The following ADGRB2 variants were observed in gnomAD, a reference collection of about 807,000 sequenced individuals.
ADGRB2 encodes the protein adhesion G protein-coupled receptor B2.
Under a neutral mutation model 178.7 loss-of-function variants are expected in ADGRB2, and 47 were observed. The observed-to-expected ratio is 0.26, with a 90% CI of 0.21 to 0.34. The LOEUF (loss-of-function observed/expected upper bound fraction) is 0.34. Ranked by LOEUF, ADGRB2 falls within the 10% of genes least tolerant of loss-of-function variation. ADGRB2 has a pLI of 1.00. For missense variants in ADGRB2, 1,584 were observed against 2,180.8 expected (o/e 0.73, Z 5.45); for synonymous variants, 870 against 912.4 (o/e 0.95, Z 0.84).
Position 31,741,616 on chromosome 1 carries a change from C to A in ADGRB2, c.1687+8G>T. ...TGGTGGTGGTGGGGAAAGCCACCTG[C>A]CCCTTACCTGAGGCATTCGGGGGGC... On this transcript the variant is annotated splice_region_variant and intron_variant, in intron 10 of 32. Transcript: ENST00000373658. The surrounding 1 kb of genome is among the most constrained non-coding windows in gnomAD (Gnocchi z 6.5). The A allele has an allele frequency of 2.5e-6, 4 of 1,613,036 alleles. No individual in the cohort carries two copies. The highest frequency in any genetic ancestry group is 3.4e-6 in the Non-Finnish European group (4 of 1,179,536).
chr1:31,736,217 C>G, intron 22 of ADGRB2, 104 bp downstream of exon 22: 1 of 1,401,064 alleles, frequency 7.1e-7, no homozygotes. Context: ...GGAACTTGCC[C>G]AAAGACCCAA....
chr1:31,762,708 C>T (rs1279783822), intron 1 of ADGRB2, among the ~76,000 whole-genome samples: 4 of 151,654 alleles, frequency 2.6e-5, no homozygotes, highest in Non-Finnish European at 4.4e-5. Context: ...CACCAATCTC[C>T]TCTCCCCAGG....
chr1:31,757,243 T>C lies in ADGRB2; in HGVS notation c.-22A>G, dbSNP rs780016221. The C allele has an allele frequency of 6.2e-7, 1 of 1,614,152 alleles. No homozygotes were observed. Among genetic ancestry groups the C allele is most frequent in the South Asian group, 1.1e-5 (1 of 91,088 alleles). ...CCATAACTCTTGCTCTCCATCCCCGTGTGTCGTGATCAGCTGTGAGGCATG... is the reference window on the plus strand; with the variant it reads ...CCATAACTCTTGCTCTCCATCCCCGCGTGTCGTGATCAGCTGTGAGGCATG... On this transcript the variant is annotated 5_prime_UTR_variant, in exon 3 of 33. Transcript: ENST00000373658.
chr1:31,732,736 G>A, intron 26 of ADGRB2, 124 bp from the exon 27 acceptor site: 1 of 1,227,152 alleles, frequency 8.1e-7, no homozygotes, highest in East Asian at 2.5e-5. Context: ...CAACCTTGGG[G>A]AAGGTGATGA....
Position 31,742,172 on chromosome 1 carries a change from G to A in ADGRB2, c.1298C>T (p.Thr433Met), listed in dbSNP as rs144126548. 60 of 1,612,724 alleles carry A rather than the reference G, an allele frequency of 3.7e-5. No individual in the cohort carries two copies. Among genetic ancestry groups the A allele is most frequent in the Non-Finnish European group, 4.5e-5 (53 of 1,179,508 alleles). The change falls in exon 8 of 33, where the codon ACG becomes ATG. Residue 433 changes from threonine to methionine, a missense_variant. By Grantham distance (81) the Thr-to-Met change is moderately conservative (BLOSUM62 -1). Around this residue, in one of 3 missense-constraint regions of ADGRB2, gnomAD observed 657 missense variants for 847.6 expected, o/e 0.78. Coordinates refer to ENST00000373658, the MANE Select transcript of ADGRB2 (RefSeq NM_001364857.2). ...LEWGPWGPCS[T>M]SCANGTQQRS... ...CTGTTGGGTCCCATTGGCACAGGAC[G>A]TGGAGCATGGGCCCCAGGGACCCCA...
chr1:31,729,619 G>A (rs1282535940), intron 29 of ADGRB2, among the ~76,000 whole-genome samples: 2 of 152,178 alleles, frequency 1.3e-5, no homozygotes, highest in Non-Finnish European at 2.9e-5. Flanking sequence ...CACACCAATG[G>A]AATACACTTG....
chr1:31,731,666 G>A (rs983983381), intron 28 of ADGRB2, among the ~76,000 whole-genome samples: 3 of 152,268 alleles, frequency 2.0e-5, no homozygotes, highest in Non-Finnish European at 2.9e-5. Flanking sequence ...GTGTCCTGGT[G>A]CAGGTCCCGA....
chr1:31,738,864 G>C lies in ADGRB2; in HGVS notation c.2569C>G (p.Leu857Val). The C allele has an allele frequency of 6.2e-7, 1 of 1,614,056 alleles. No individual in the cohort carries two copies. The highest frequency in any genetic ancestry group is 8.5e-7 in the Non-Finnish European group (1 of 1,180,018). ...RPPTQPPAEP[L>V]ITVELSYIIN... ...ATGTAGGAGAGCTCCACAGTGATGA[G>C]GGGCTCAGCTGGAGGCTGGGTAGGG... The change falls in exon 16 of 33, where the codon CTC becomes GTC. Residue 857 changes from leucine to valine, a missense_variant. Physicochemically the swap from Leu to Val is conservative, Grantham distance 32. This residue lies in a region of ADGRB2 where 865 missense variants were observed against 1,192.8 expected (regional missense o/e 0.73). Transcript: ENST00000373658.
chr1:31,730,654 A>G, intron 29 of ADGRB2, 146 bp downstream of exon 29: 1 of 1,127,210 alleles, frequency 8.9e-7, no homozygotes, highest in Non-Finnish European at 1.2e-6. Flanking sequence ...AGCTGCCATG[A>G]GCAGAAACAG....
intron 4 of ADGRB2, among the ~76,000 whole-genome samples, chr1:31,747,043 C>T (rs1009104685): frequency 5.9e-5 from 9 of 152,216 alleles, no homozygotes; most frequent in African/African-American, 1.9e-4. Flanking sequence ...CATCTCTCTG[C>T]TGAACGTGCT....
chr1:31,744,233 C>T lies in ADGRB2; in HGVS notation c.1047G>A (p.Leu349=), dbSNP rs758273198. Residue 349 remains leucine (L), a synonymous_variant, in exon 6 of 33, where the codon CTG becomes CTA. Transcript: ENST00000373658. The surrounding 1 kb of genome is among the most constrained non-coding windows in gnomAD (Gnocchi z 6.7). ...SPYGTLCSGP[L]RETRPCNNSA... ...AATTGTTGCAGGGCCTGGTCTCCCG[C>T]AGGGGCCCGCTGCACAGGGTCCCAT... is the stretch of plus-strand genomic sequence containing the variant. 1.3e-5 allele frequency: 20 copies of T among 1,546,154 alleles called. No individual in the cohort carries two copies. Among genetic ancestry groups the T allele is most frequent in the Admixed American group, 4.0e-5 (2 of 49,776 alleles).
In ADGRB2 at chr1:31,732,976, C is replaced by G. The variant is rs148580797; in HGVS notation, c.3620G>C (p.Arg1207Pro). Reference protein sequence around the residue: ...VITAVHCFLRREVQDVVKCQM... With the variant: ...VITAVHCFLRPEVQDVVKCQM... ...GCGGGAGAGGCCCAGCCCCACCTCT[C>G]GGCGCAGGAAGCAGTGCACAGCAGT... Residue 1207 changes from arginine (R) to proline (P), a missense_variant, in exon 26 of 33, where the codon CGA becomes CCA. Coordinates refer to ENST00000373658, the MANE Select transcript of ADGRB2 (RefSeq NM_001364857.2). 2.6e-6 allele frequency: 4 copies of G among 1,553,446 alleles called. No homozygotes were observed. The South Asian group carries it at 4.8e-5, about 18-fold the overall frequency.
At chr1:31,752,034 T>C (rs1304810991) in intron 4 of ADGRB2, among the ~76,000 whole-genome samples, 1 of 152,164 alleles carries the variant, frequency 6.6e-6, no homozygotes, top group Non-Finnish European at 1.5e-5. Flanking sequence ...AAGGAACTTA[T>C]CAACAGTCAC....
intron 7 of ADGRB2, among the ~76,000 whole-genome samples, chr1:31,742,462 C>T (rs892681786): frequency 1.3e-5 from 2 of 152,222 alleles, no homozygotes; most frequent in African/African-American, 4.8e-5. Flanking sequence ...TAGCACAAGG[C>T]ACAACTCACT....
intron 6 of ADGRB2, among the ~76,000 whole-genome samples, chr1:31,743,931 C>T (rs563027264): frequency 6.6e-6 from 1 of 152,320 alleles, no homozygotes; most frequent in East Asian, 1.9e-4. Context: ...AAACACGAGC[C>T]TTGGTTACCA....
Position 31,739,911 on chromosome 1 carries a change from C to A in ADGRB2, c.2167+15G>T. On this transcript the variant is annotated intron_variant, in intron 14 of 32. Transcript: ENST00000373658. The stretch of plus-strand genomic sequence containing the variant: ...GGCACATTCAGGACCCCCACCCTTG[C>A]CTGACTCCTTCTACCTAGATTATCT... 4 of 1,610,396 alleles carry A rather than the reference C, an allele frequency of 2.5e-6. No homozygotes were observed. The highest frequency in any genetic ancestry group is 3.4e-6 in the Non-Finnish European group (4 of 1,176,732).
Position 31,738,883 on chromosome 1 carries a change from G to A in ADGRB2, c.2550C>T (p.Thr850=). The A allele has an allele frequency of 6.2e-7, 1 of 1,613,930 alleles. No homozygotes were observed. The highest frequency in any genetic ancestry group is 8.5e-7 in the Non-Finnish European group (1 of 1,180,010). ...TGATGAGGGGCTCAGCTGGAGGCTG[G>A]GTAGGGGGGCGCACAGTCACTGTCA... ...RVMTVTVRPP[T]QPPAEPLITV... Residue 850 remains threonine (T), a synonymous_variant, in exon 16 of 33, where the codon ACC becomes ACT. Coordinates refer to ENST00000373658, the MANE Select transcript of ADGRB2 (RefSeq NM_001364857.2).
Position 31,742,099 on chromosome 1 carries a change from C to T in ADGRB2, c.1371G>A (p.Thr457=). Residue 457 remains threonine (T), a synonymous_variant, in exon 8 of 33, where the codon ACG becomes ACA. Transcript: ENST00000373658. ...SVAGPAWATC[T]GALTDTRECS... is the part of the protein sequence containing the mutation. ...ACTCCCGGGTGTCAGTGAGGGCACC[C>T]GTGCATGTGGCCCAGGCTGGGCCCG... is the stretch of plus-strand genomic sequence containing the variant. The T allele has an allele frequency of 3.1e-6, 5 of 1,612,888 alleles. No homozygotes were observed. The highest frequency in any genetic ancestry group is 1.1e-5 in the South Asian group (1 of 90,964).
In ADGRB2 at chr1:31,732,227, CT is replaced by C; in HGVS notation, c.3721-74del. The stretch of plus-strand genomic sequence containing the variant: ...ATCAGGGTGGGAGGAGGCTCAGGCC[CT>C]CCCCAGCCAGCTTTGCCCAGTCTGC... On this transcript the variant is annotated intron_variant, in intron 27 of 32. Coordinates refer to ENST00000373658, the MANE Select transcript of ADGRB2 (RefSeq NM_001364857.2). The C allele has an allele frequency of 2.5e-6, 4 of 1,593,928 alleles. No individual in the cohort carries two copies. In the South Asian group the frequency reaches 4.5e-5, roughly 18 times the overall value.
Sources: allele counts gnomAD v4.1 joint callset (sites outside exome capture counted in the v4.1 genomes callset), GRCh38; gene constraint gnomAD v4.1.1; regional missense constraint gnomAD v4.1.1; non-coding constraint Gnocchi (gnomAD v3.1); transcripts MANE v1.5; gene names NCBI Gene and HGNC (gene_info 2026-07-23, HGNC 2026-07-21).